The following ANGPT4 variants were observed in gnomAD, a reference collection of about 807,000 sequenced individuals.
The protein encoded by ANGPT4 is angiopoietin 4, also known as angiopoietin-4.
In ANGPT4, 50 loss-of-function variants were observed where a neutral mutation model predicts 53.0. The observed-to-expected ratio is 0.94, with a 90% CI of 0.75 to 1.20. The LOEUF (loss-of-function observed/expected upper bound fraction) is 1.20. Ranked by LOEUF, ANGPT4 falls within the 50% of genes most tolerant of loss-of-function variation. The pLI, the probability that ANGPT4 is intolerant of heterozygous loss-of-function variation, is 0.00. For synonymous variants in ANGPT4, 251 were observed against 259.7 expected (o/e 0.97, Z 0.32); for missense variants, 648 against 637.1 (o/e 1.02, Z -0.18).
At position 890,228 on chromosome 20, in the gene ANGPT4, G is replaced by C; in HGVS notation, c.450C>G (p.Thr150=). The change falls in exon 2 of 9, where the codon ACC becomes ACG. Residue 150 remains threonine, a synonymous_variant. Coordinates refer to ENST00000381922, the MANE Select transcript of ANGPT4 (RefSeq NM_015985.4). ...CCTCTGTTACCTGAGCCTCCATGTC[G>C]GTCAGCTTGCGGATCTGGGCAGTGG... The part of the protein sequence containing the change: ...NQTTAQIRKL[T]DMEAQLLNQT... 1 of 1,613,682 alleles carries C rather than the reference G, an allele frequency of 6.2e-7. No homozygotes were observed. Among genetic ancestry groups the C allele is most frequent in the Non-Finnish European group, 8.5e-7 (1 of 1,179,856 alleles).
intron 1 of ANGPT4, among the ~76,000 whole-genome samples, chr20:906,178 T>C (rs1600063344): frequency 6.6e-6 from 1 of 152,198 alleles, no homozygotes; most frequent in Non-Finnish European, 1.5e-5. Context: ...CATTGCATTG[T>C]GTCTTCTGTC....
intron 5 of ANGPT4, 60 bp downstream of exon 5, chr20:881,111 T>G: frequency 7.4e-7 from 1 of 1,359,838 alleles, no homozygotes; most frequent in Non-Finnish European, 1.0e-6. Context: ...GGGGTGTCTG[T>G]TTGGGAAGCC....
intron 1 of ANGPT4, among the ~76,000 whole-genome samples, chr20:903,671 C>G (rs891322859): frequency 6.6e-6 from 1 of 152,226 alleles, no homozygotes; most frequent in African/African-American, 2.4e-5. Context: ...CCCCAGTGAA[C>G]AGAGTCCAAA....
At position 914,174 on chromosome 20, in the gene ANGPT4, T is replaced by C. The variant is rs1342243211; in HGVS notation, c.309+1732A>G. 1.3e-5 allele frequency among the ~76,000 whole-genome samples: 2 copies of C among 151,936 alleles called. No homozygotes were observed. Among genetic ancestry groups the C allele is most frequent in the African/African-American group, 2.4e-5 (1 of 41,316 alleles). ...ATTCTAGGCCCTGGGAACCCAGAAGTGAGCAAAAGAGACATGGCGCCTGCC... is the reference window on the plus strand; with the variant it reads ...ATTCTAGGCCCTGGGAACCCAGAAGCGAGCAAAAGAGACATGGCGCCTGCC... On this transcript the variant is annotated intron_variant, in intron 1 of 8. Transcript: ENST00000381922. The surrounding 1 kb of genome is among the most constrained non-coding windows in gnomAD (Gnocchi z 5.0).
intron 1 of ANGPT4, among the ~76,000 whole-genome samples, chr20:897,003 T>C (rs1314241870): frequency 6.6e-6 from 1 of 152,078 alleles, no homozygotes; most frequent in East Asian, 1.9e-4. Context: ...TGACATTCCT[T>C]CTCCTGGACA....
Position 911,030 on chromosome 20 carries a change from C to T in ANGPT4, c.309+4876G>A, listed in dbSNP as rs1167994348. On this transcript the variant is annotated intron_variant, in intron 1 of 8. Coordinates refer to ENST00000381922, the MANE Select transcript of ANGPT4 (RefSeq NM_015985.4). The surrounding 1 kb of genome is among the most constrained non-coding windows in gnomAD (Gnocchi z 4.9). ...AACCCCAAGATATTTTGTTCGGCAC[C>T]GAGACTCATTTCTTGTTTGGATAAC... Among the ~76,000 whole-genome samples, 2 of 152,154 alleles carry T rather than the reference C, an allele frequency of 1.3e-5. No individual in the cohort carries two copies. The highest frequency in any genetic ancestry group is 2.1e-4 in the South Asian group (1 of 4,816).
chr20:896,883 G>A (rs915958773), intron 1 of ANGPT4, among the ~76,000 whole-genome samples: 7 of 152,136 alleles, frequency 4.6e-5, no homozygotes, highest in Admixed American at 2.6e-4. Context: ...TATGTGTCAG[G>A]ACTCTGAGCC....
chr20:885,011 G>A, intron 4 of ANGPT4, 67 bp downstream of exon 4: 3 of 1,590,996 alleles, frequency 1.9e-6, no homozygotes, highest in Non-Finnish European at 1.7e-6. Flanking sequence ...CCTGGAGGGT[G>A]AGCAGGGTCT....
chr20:892,587 C>T (rs1465833751), intron 1 of ANGPT4, among the ~76,000 whole-genome samples: 2 of 124,982 alleles, frequency 1.6e-5, no homozygotes, highest in Non-Finnish European at 1.6e-5. Flanking sequence ...AGAGTGAGAC[C>T]GTGTCTCAAA....
intron 1 of ANGPT4, 146 bp from the exon 2 acceptor site, chr20:890,514 G>A (rs6118095): frequency 1.6e-4 from 107 of 676,530 alleles, no homozygotes; most frequent in Middle Eastern, 1.2e-3. Flanking sequence ...CCACCATTAC[G>A]TCTTGCCTGG....
At chr20:878,485 G>C (rs1297692558) in intron 6 of ANGPT4, among the ~76,000 whole-genome samples, 158 bp from the exon 7 acceptor site, 1 of 152,206 alleles carries the variant, frequency 6.6e-6, no homozygotes, top group African/African-American at 2.4e-5. Context: ...CTGGGAGTAG[G>C]AGCCCTCCAC....
Position 878,982 on chromosome 20 carries a change from G to A in ANGPT4, c.1054-655C>T, listed in dbSNP as rs368279382. On this transcript the variant is annotated intron_variant, in intron 6 of 8. Coordinates refer to ENST00000381922, the MANE Select transcript of ANGPT4 (RefSeq NM_015985.4). The stretch of plus-strand genomic sequence containing the variant: ...AAGGCCCGCTCCCCAATTTAGTCAC[G>A]ATGCAATGCGGGTTAGCCTGATGGT... Among the ~76,000 whole-genome samples the A allele has an allele frequency of 3.2e-4, 49 of 152,284 alleles. 2 individuals carry two copies. In the South Asian group the frequency reaches 0.01, roughly 32 times the overall value.
At chr20:881,941 C>A (rs1424982296) in intron 4 of ANGPT4, among the ~76,000 whole-genome samples, 3 of 152,170 alleles carry the variant, frequency 2.0e-5, no homozygotes, top group Non-Finnish European at 2.9e-5. Flanking sequence ...ATTTCACAGA[C>A]CAGGAAACTG....
chr20:888,229 C>G (rs1282764307), intron 3 of ANGPT4, 89 bp downstream of exon 3: 1 of 1,512,504 alleles, frequency 6.6e-7, no homozygotes, highest in Admixed American at 2.0e-5. Context: ...AGCCCCAGTC[C>G]TAGCCCTGGC....
intron 1 of ANGPT4, among the ~76,000 whole-genome samples, chr20:905,873 T>G (rs1982459189): frequency 6.6e-6 from 1 of 152,166 alleles, no homozygotes; most frequent in East Asian, 1.9e-4. Context: ...CAAATACAGC[T>G]CATTTAGTCC....
intron 6 of ANGPT4, among the ~76,000 whole-genome samples, chr20:879,419 G>A (rs1425727508): frequency 6.6e-6 from 1 of 152,134 alleles, no homozygotes; most frequent in East Asian, 1.9e-4. Flanking sequence ...CTTCATTAAA[G>A]CAACGCAGTC....
At position 908,702 on chromosome 20, in the gene ANGPT4, TA is replaced by T. The variant is rs763948420; in HGVS notation, c.309+7203del. ...AATAAACAGTGGTGGAAGGGACAAT[TA>T]AATGAATGCAGGAATGAATATTCTT... is the stretch of plus-strand genomic sequence containing the variant. On this transcript the variant is annotated intron_variant, in intron 1 of 8. Transcript: ENST00000381922. This position sits in a 1 kb window ranked among gnomAD's most constrained non-coding sequence, Gnocchi z 4.9. 3.3e-5 allele frequency among the ~76,000 whole-genome samples: 5 copies of T among 151,628 alleles called. No homozygotes were observed. The highest frequency in any genetic ancestry group is 4.8e-5 in the African/African-American group (2 of 41,276).
chr20:874,323 C>G lies in ANGPT4; in HGVS notation c.1312G>C (p.Asp438His). ...TSFSTLDSDN[D>H]HCLCKCAQVM... Reference sequence around the variant, plus strand: ...TGGGCACACTTGCAGAGACAGTGGTCGTTGTCTGAGTCAAGGGTGCTAAAG... The same window carrying G: ...TGGGCACACTTGCAGAGACAGTGGTGGTTGTCTGAGTCAAGGGTGCTAAAG... Residue 438 changes from aspartate to histidine, a missense_variant, in exon 8 of 9, where the codon GAC becomes CAC. Asp to His is a moderately conservative substitution (Grantham distance 81). Coordinates refer to ENST00000381922, the MANE Select transcript of ANGPT4 (RefSeq NM_015985.4). 9 of 1,614,190 alleles carry G rather than the reference C, an allele frequency of 5.6e-6. No individual in the cohort carries two copies. Among genetic ancestry groups the G allele is most frequent in the Non-Finnish European group, 7.6e-6 (9 of 1,180,026 alleles).
chr20:904,803 A>AT (rs1279004711), intron 1 of ANGPT4, among the ~76,000 whole-genome samples: 4 of 151,926 alleles, frequency 2.6e-5, no homozygotes, highest in Admixed American at 1.3e-4. Flanking sequence ...ATTTTTCAGT[A>AT]TTTTTTTGTA....
Sources: gnomAD v4.1 joint callset for allele counts (sites outside exome capture counted in the v4.1 genomes callset) on GRCh38, gnomAD v4.1.1 for gene constraint, Gnocchi (gnomAD v3.1) non-coding constraint, MANE v1.5 for transcripts, NCBI Gene and HGNC (gene_info 2026-07-23, HGNC 2026-07-21) for gene names.